The following HEATR5A variants were observed in gnomAD, a reference collection of about 807,000 sequenced individuals.
HEATR5A encodes HEAT repeat containing 5A.
A neutral mutation model predicts 218.8 loss-of-function variants in HEATR5A; 178 were observed. The ratio of observed to expected loss-of-function variants is 0.81; its 90% CI spans 0.72 to 0.92. The LOEUF is 0.92. Among genes scored for constraint, HEATR5A ranks in the 40% least tolerant of loss-of-function variants. HEATR5A has a pLI of 0.00. For missense variants in HEATR5A, 2,420 were observed against 2,418.9 expected, an observed-to-expected ratio of 1.00 and a Z score of -0.01; for synonymous variants, 864 against 871.6, an observed-to-expected ratio of 0.99 and a Z score of 0.15.
At position 31,395,196 on chromosome 14, in the gene HEATR5A, T is replaced by A; in HGVS notation, c.597+3A>T. The stretch of plus-strand genomic sequence containing the variant: ...TTAAAGTCTGCTTATTAGATCATTT[T>A]ACCTTTGCAGCAGCACAACGAACAG... On this transcript the variant is annotated splice_donor_region_variant and intron_variant, in intron 5 of 35. Coordinates refer to ENST00000543095, the MANE Select transcript of HEATR5A (RefSeq NM_015473.4). The A allele has an allele frequency of 1.3e-6, 2 of 1,496,808 alleles. No individual in the cohort carries two copies. The highest frequency in any genetic ancestry group is 1.8e-6 in the Non-Finnish European group (2 of 1,126,334). The allele number at this position is 1,496,808 out of a possible 1,614,324, so 92.7% of individuals were successfully genotyped here.
In HEATR5A at chr14:31,307,920, C is replaced by G; in HGVS notation, c.4791G>C (p.Trp1597Cys). Residue 1597 changes from tryptophan (W) to cysteine (C), a missense_variant, in exon 30 of 36, where the codon TGG becomes TGC. Physicochemically the swap from Trp to Cys is radical, Grantham distance 215. Coordinates refer to ENST00000543095, the MANE Select transcript of HEATR5A (RefSeq NM_015473.4). Reference sequence around the variant, plus strand: ...GATCACTGCCAATTTTTGATCTGGGCCAAGGTACATCTAGAAGTGCTTGCA... The same window carrying G: ...GATCACTGCCAATTTTTGATCTGGGGCAAGGTACATCTAGAAGTGCTTGCA... ...HALQALLDVP[W>C]PRSKIGSDQD... The G allele has an allele frequency of 6.2e-7, 1 of 1,613,502 alleles. No individual in the cohort carries two copies. The highest frequency in any genetic ancestry group is 1.1e-5 in the South Asian group (1 of 90,948).
Position 31,344,012 on chromosome 14 carries a change from C to T in HEATR5A, c.3112G>A (p.Val1038Ile), listed in dbSNP as rs560954968. Reference sequence around the variant, plus strand: ...AGGCAGTCTGGGTTATCTTGCATTACTGCACAACCCAGTAGACAGGAAGTC... The same window carrying T: ...AGGCAGTCTGGGTTATCTTGCATTATTGCACAACCCAGTAGACAGGAAGTC... ...LRTSCLLGCAVMQDNPDCLVQ... is the reference protein window; with the variant it reads ...LRTSCLLGCAIMQDNPDCLVQ... Residue 1038 changes from valine to isoleucine, a missense_variant, in exon 21 of 36, where the codon GTA becomes ATA. Physicochemically the swap from Val to Ile is conservative, Grantham distance 29 (BLOSUM62 3). Transcript: ENST00000543095. 9.3e-6 allele frequency: 15 copies of T among 1,605,746 alleles called. No homozygotes were observed. In the South Asian group the frequency reaches 1.6e-4, roughly 17 times the overall value.
intron 1 of HEATR5A, among the ~76,000 whole-genome samples, chr14:31,416,237 C>T (rs2031442981): frequency 6.6e-6 from 1 of 152,190 alleles, no homozygotes; most frequent in African/African-American, 2.4e-5. Flanking sequence ...CTGCCTCAGC[C>T]TCCTGAGTAG....
At chr14:31,405,758 A>C (rs2031039865) in intron 1 of HEATR5A, among the ~76,000 whole-genome samples, 1 of 152,162 alleles carries the variant, frequency 6.6e-6, no homozygotes, top group Admixed American at 6.5e-5. Context: ...TCAGAATCAA[A>C]TTACCCTTTC....
chr14:31,375,398 G>A (rs774592255), intron 11 of HEATR5A, among the ~76,000 whole-genome samples: 7 of 152,216 alleles, frequency 4.6e-5, no homozygotes, highest in Non-Finnish European at 8.8e-5. Context: ...AACATTGCAT[G>A]CTTTTTGAGA....
At chr14:31,336,667 G>A (rs141802000) in intron 22 of HEATR5A, among the ~76,000 whole-genome samples, 10 of 152,232 alleles carry the variant, frequency 6.6e-5, no homozygotes, top group Non-Finnish European at 1.0e-4. Flanking sequence ...ACTTGTAGCA[G>A]ACGTATCTAT....
At chr14:31,374,162 T>A (rs375267162) in intron 12 of HEATR5A, among the ~76,000 whole-genome samples, 1 of 151,836 alleles carries the variant, frequency 6.6e-6, no homozygotes, top group African/African-American at 2.4e-5. Flanking sequence ...AAAAATTAGC[T>A]GGGCATGGTG....
chr14:31,315,761 A>G lies in HEATR5A; in HGVS notation c.4218+9T>C. On this transcript the variant is annotated intron_variant, in intron 27 of 35. Coordinates refer to ENST00000543095, the MANE Select transcript of HEATR5A (RefSeq NM_015473.4). ...CCAAAATTCCAGTTACAAATTAAGA[A>G]ATACCAACCTCTGCCCAGGCTTTAA... The G allele has an allele frequency of 1.3e-6, 2 of 1,551,376 alleles. No homozygotes were observed. The highest frequency in any genetic ancestry group is 1.7e-6 in the Non-Finnish European group (2 of 1,148,216).
Position 31,358,699 on chromosome 14 carries a change from T to C in HEATR5A, c.2349A>G (p.Ser783=), listed in dbSNP as rs1487148857. ...SVPKPLPPAL[S]VISSASKLFG... is the part of the protein sequence containing the mutation. ...AGAGCTTGGATGCAGAACTAATAAC[T>C]GATAGTGCTGGAGGTAAGGGCTTAG... The change falls in exon 16 of 36, where the codon TCA becomes TCG. Residue 783 remains serine (S), a synonymous_variant. Transcript: ENST00000543095. 6.2e-7 allele frequency: 1 copy of C among 1,613,974 alleles called. No homozygotes were observed. Among genetic ancestry groups the C allele is most frequent in the East Asian group, 2.2e-5 (1 of 44,870 alleles).
At chr14:31,359,729 C>CAAAAA (rs376157768) in intron 14 of HEATR5A, among the ~76,000 whole-genome samples, 998 of 32,082 alleles carry the variant, frequency 0.031, no homozygotes, top group Non-Finnish European at 0.044. Context: ...CATCTCAAGA[C>CAAAAA]AAAAAAAAAA....
At chr14:31,369,543 G>A (rs988466997) in intron 13 of HEATR5A, among the ~76,000 whole-genome samples, 1 of 140,980 alleles carries the variant, frequency 7.1e-6, no homozygotes, top group Non-Finnish European at 1.5e-5. Context: ...ACCAGGAGGT[G>A]GAGATTGCAG....
At chr14:31,369,633 A>AAC in intron 13 of HEATR5A, among the ~76,000 whole-genome samples, 1 of 148,722 alleles carries the variant, frequency 6.7e-6, no homozygotes, top group Non-Finnish European at 1.5e-5. Flanking sequence ...AAAAAAAAAA[A>AAC]AAACCCAAAA....
Position 31,305,015 on chromosome 14 carries a change from C to G in HEATR5A, c.5129G>C (p.Ser1710Thr), listed in dbSNP as rs776375627. 1.9e-6 allele frequency: 3 copies of G among 1,613,930 alleles called. No homozygotes were observed. The highest frequency in any genetic ancestry group is 2.5e-6 in the Non-Finnish European group (3 of 1,179,884). The stretch of plus-strand genomic sequence containing the variant: ...TGGCTTCGTAGCTTTTACTCCTGGG[C>G]TACCTGTCAATTTAGGGTTTAATTC... ...LPELNPKLTG[S>T]PGVKATKPQI... is the part of the protein sequence containing the mutation. Residue 1710 changes from serine (S) to threonine (T), a missense_variant, in exon 32 of 36, where the codon AGC (serine) becomes ACC (threonine). Coordinates refer to ENST00000543095, the MANE Select transcript of HEATR5A (RefSeq NM_015473.4).
chr14:31,345,995 T>C (rs1172897077), intron 19 of HEATR5A, among the ~76,000 whole-genome samples: 1 of 152,222 alleles, frequency 6.6e-6, no homozygotes, highest in Admixed American at 6.5e-5. Flanking sequence ...ATGAGTATAA[T>C]AGATTCATTG....
chr14:31,333,515 G>A (rs1426517500), intron 22 of HEATR5A, among the ~76,000 whole-genome samples: 1 of 152,088 alleles, frequency 6.6e-6, no homozygotes, highest in Non-Finnish European at 1.5e-5. Flanking sequence ...GCCTTCCAAA[G>A]TGTTGGGATA....
At chr14:31,348,413 T>TA (rs200988626) in intron 18 of HEATR5A, among the ~76,000 whole-genome samples, 12,562 of 147,380 alleles carry the variant, frequency 0.085, 590 homozygotes, top group East Asian at 0.16. Flanking sequence ...CTGTCTCTAC[T>TA]AAAAAAAAAA....
At chr14:31,419,511 G>T (rs1459715616) in intron 1 of HEATR5A, among the ~76,000 whole-genome samples, 1 of 152,116 alleles carries the variant, frequency 6.6e-6, no homozygotes, top group Non-Finnish European at 1.5e-5. Flanking sequence ...GTACTTGTGG[G>T]CCCCTTTTTT....
intron 6 of HEATR5A, among the ~76,000 whole-genome samples, 155 bp downstream of exon 6, chr14:31,393,897 C>T (rs1406781046): frequency 6.6e-6 from 1 of 152,216 alleles, no homozygotes; most frequent in Non-Finnish European, 1.5e-5. Context: ...ATCCACCCGC[C>T]TTGGCCTCCC....
intron 13 of HEATR5A, 36 bp downstream of exon 13, chr14:31,371,774 G>A (rs766159873): frequency 4.6e-5 from 47 of 1,015,674 alleles, no homozygotes; most frequent in African/African-American, 1.7e-5. Flanking sequence ...TACATAATCA[G>A]AGGGCAACTA....
Sources: gnomAD v4.1 joint callset for allele counts (sites outside exome capture counted in the v4.1 genomes callset) on GRCh38, gnomAD v4.1.1 for gene constraint, MANE v1.5 for transcripts, NCBI Gene and HGNC (gene_info 2026-07-23, HGNC 2026-07-21) for gene names.